Variants in GGT1 observed in about 807,000 individuals in gnomAD.
GGT1 encodes glutathione hydrolase 1 proenzyme.
GGT1 carries 21 observed loss-of-function variants against 56.0 expected under a neutral mutation model. The ratio of observed to expected loss-of-function variants is 0.38; its 90% CI spans 0.27 to 0.54. GGT1 has a LOEUF of 0.54. Ranked by LOEUF, GGT1 falls within the 20% of genes least tolerant of loss-of-function variation. GGT1 has a pLI of 0.82. For missense variants in GGT1, 466 were observed against 787.0 expected, an observed-to-expected ratio of 0.59 and a Z score of 4.88; for synonymous variants, 238 against 342.6, an observed-to-expected ratio of 0.69 and a Z score of 3.37.
At chr22:24,586,526 A>C in the GGT1 span, 2 of 1,113,474 alleles carry the variant, frequency 1.8e-6, no homozygotes, top group South Asian at 1.5e-5. Flanking sequence ...AGCCAGATTC[A>C]AACTGTGTCT....
chr22:24,594,249 G>A (rs1170983609), upstream of GGT1, among the ~76,000 whole-genome samples: 1 of 152,154 alleles, frequency 6.6e-6, no homozygotes. Flanking sequence ...CGTGGGGAAC[G>A]TTTGAGGCAC....
chr22:24,619,400 G>GAAAAAAAAAAAAAAAAAAAAAAAAA (rs372709571), intron 7 of GGT1, among the ~76,000 whole-genome samples: 1 of 96,474 alleles, frequency 1.0e-5, no homozygotes, highest in Admixed American at 1.0e-4. Flanking sequence ...CTCCATCTCA[G>GAAAAAAAAAAAAAAAAAAAAAAAAA]AAAAAAAAAA....
At chr22:24,614,927 G>C (rs749119338) in intron 6 of GGT1, 21 bp downstream of exon 6, 8 of 1,611,558 alleles carry the variant, frequency 5.0e-6, no homozygotes, top group South Asian at 1.1e-5. Context: ...CGGGAGAGGA[G>C]AGGGAGAGGG....
At chr22:24,583,839 TG>T in the GGT1 span, 2 of 469,406 alleles carry the variant, frequency 4.3e-6, no homozygotes, top group South Asian at 3.1e-5. Flanking sequence ...ATTGAGAGTT[TG>T]TGGGCTGGCT....
At chr22:24,588,078 G>A in the GGT1 span, 1 of 682,536 alleles carries the variant, frequency 1.5e-6, no homozygotes, top group South Asian at 1.7e-5. Flanking sequence ...TTCCAGGGTA[G>A]GGCCCTCATG....
chr22:24,588,306 C>T, the GGT1 span: 55 of 1,613,092 alleles, frequency 3.4e-5, no homozygotes, highest in Middle Eastern at 1.6e-4. Context: ...AGATCTTGTC[C>T]GAGGACTTCC....
the GGT1 span, among the ~76,000 whole-genome samples, chr22:24,587,327 G>A: frequency 6.6e-6 from 1 of 152,164 alleles, no homozygotes; most frequent in African/African-American, 2.4e-5. Context: ...GAAGTTCAGA[G>A]ACTGAGAAGG....
At chr22:24,619,423 G>T (rs79051170) in intron 7 of GGT1, among the ~76,000 whole-genome samples, 1 of 124,206 alleles carries the variant, frequency 8.1e-6, no homozygotes, top group South Asian at 2.6e-4. Flanking sequence ...AAAAAAAAAA[G>T]CCCTGTGTAG....
At chr22:24,587,325 G>T in the GGT1 span, among the ~76,000 whole-genome samples, 1 of 152,194 alleles carries the variant, frequency 6.6e-6, no homozygotes, top group South Asian at 2.1e-4. Flanking sequence ...GGGAAGTTCA[G>T]AGACTGAGAA....
At chr22:24,602,868 A>G (rs1396350906), upstream of GGT1, among the ~76,000 whole-genome samples, 1 of 152,156 alleles carries the variant, frequency 6.6e-6, no homozygotes. Flanking sequence ...TGGCGTGGGC[A>G]TCTGGCTGCA....
Position 24,628,329 on chromosome 22 carries a change from C to A in GGT1, c.1504C>A (p.Pro502Thr), listed in dbSNP as rs377488360. 9 of 1,611,614 alleles carry A rather than the reference C, an allele frequency of 5.6e-6. No individual in the cohort carries two copies. The Admixed American group carries it at 1.5e-4, about 27-fold the overall frequency. Reference sequence around the variant, plus strand: ...TGACGTGAAGCGGGCCGTGGAGGAGCCCCGGCTGCACAACCAGCTTCTGCC... The same window carrying A: ...TGACGTGAAGCGGGCCGTGGAGGAGACCCGGCTGCACAACCAGCTTCTGCC... ...GYDVKRAVEE[P>T]RLHNQLLPNV... The change falls in exon 15 of 16, where the codon CCC (proline) becomes ACC (threonine). Residue 502 changes from proline to threonine, a missense_variant. Pro to Thr is a conservative substitution (Grantham distance 38, BLOSUM62 -1). Coordinates refer to ENST00000400382, the MANE Select transcript of GGT1 (RefSeq NM_001288833.2). This position sits in a 1 kb window ranked among gnomAD's most constrained non-coding sequence, Gnocchi z 5.7.
chr22:24,605,108 T>A lies in GGT1; in HGVS notation c.-429+1581T>A, dbSNP rs1236581612. Among the ~76,000 whole-genome samples the A allele has an allele frequency of 3.8e-4, 4 of 10,456 alleles. 1 individual carries two copies. In the South Asian group the frequency reaches 9.2e-3, roughly 24 times the overall value. 6.9% of individuals were successfully genotyped at this position (10,456 alleles called of 152,430 possible). A position where few individuals can be genotyped will look rare whatever the true frequency, so the allele number is the denominator to read the frequency against. On this transcript the variant is annotated intron_variant, in intron 1 of 15. Transcript: ENST00000400382. Reference sequence around the variant, plus strand: ...GTATATTATATAATATGTATTATATTATATATTATATAATATGTAATATAT... The same window carrying A: ...GTATATTATATAATATGTATTATATAATATATTATATAATATGTAATATAT...
At chr22:24,588,104 C>A in the GGT1 span, 1 of 836,820 alleles carries the variant, frequency 1.2e-6, no homozygotes, top group Non-Finnish European at 2.0e-6. Context: ...CAGGTGAGGG[C>A]CTCACCAGGT....
the GGT1 span, among the ~76,000 whole-genome samples, chr22:24,585,091 T>C: frequency 1.3e-5 from 2 of 152,176 alleles, no homozygotes. Context: ...ACTTTGTCTC[T>C]GGCTTGCTGT....
chr22:24,588,642 G>C, the GGT1 span: 2 of 1,126,734 alleles, frequency 1.8e-6, no homozygotes, highest in Non-Finnish European at 2.2e-6. Flanking sequence ...CTATCAGCCG[G>C]CTGCCTGCCC....
chr22:24,599,634 G>T (rs762425849), upstream of GGT1, among the ~76,000 whole-genome samples: 3 of 152,144 alleles, frequency 2.0e-5, no homozygotes, highest in Non-Finnish European at 4.4e-5. Flanking sequence ...GGATGCAGGG[G>T]TAGCTGCCCA....
intron 1 of GGT1, among the ~76,000 whole-genome samples, chr22:24,597,536 C>G (rs2045715854): frequency 6.6e-6 from 1 of 152,114 alleles, no homozygotes; most frequent in Admixed American, 6.5e-5. Flanking sequence ...CAAAAATTAG[C>G]TGGGTATGGT....
chr22:24,586,218 C>T, the GGT1 span: 1 of 1,613,732 alleles, frequency 6.2e-7, no homozygotes, highest in Admixed American at 1.7e-5. Context: ...CGGGGCAGCG[C>T]CCACAGGCTG....
the GGT1 span, chr22:24,589,675 G>T: frequency 1.1e-6 from 1 of 902,436 alleles, no homozygotes. Context: ...GATGCTGGCA[G>T]CAGGTCTCAG....
Sources: allele counts gnomAD v4.1 joint callset (sites outside exome capture counted in the v4.1 genomes callset), GRCh38; gene constraint gnomAD v4.1.1; non-coding constraint Gnocchi (gnomAD v3.1); transcripts MANE v1.5; gene names NCBI Gene and HGNC (gene_info 2026-07-23, HGNC 2026-07-21).